PHACTR2: variants seen among roughly 807,000 people sequenced by gnomAD.
PHACTR2 encodes the protein chromosome 6 open reading frame 56.
PHACTR2 carries 30 observed loss-of-function variants against 76.0 expected under a neutral mutation model. The ratio of observed to expected loss-of-function variants is 0.39; its 90% CI spans 0.30 to 0.54. The LOEUF (loss-of-function observed/expected upper bound fraction) is 0.54. PHACTR2 is among the 20% of genes least tolerant of loss of function. The pLI is 0.61. For synonymous variants in PHACTR2, 292 were observed against 292.5 expected (o/e 1.00, Z 0.02); for missense variants, 696 against 781.1 (o/e 0.89, Z 1.30).
At position 143,653,109 on chromosome 6, in the gene PHACTR2, G is replaced by A. The variant is rs1377335719; in HGVS notation, c.13+44787G>A. Among the ~76,000 whole-genome samples, 1 of 152,214 alleles carries A rather than the reference G, an allele frequency of 6.6e-6. No homozygotes were observed. The highest frequency in any genetic ancestry group is 1.5e-5 in the Non-Finnish European group (1 of 68,046). On this transcript the variant is annotated intron_variant, in intron 1 of 11. Transcript: ENST00000305766. This position sits in a 1 kb window ranked among gnomAD's most constrained non-coding sequence, Gnocchi z 4.9. Reference sequence around the variant, plus strand: ...CACTGCCAGAGCATTTGTTCTGGATGCCTCTGTCCCCAGGTGTCTCAGAAG... The same window carrying A: ...CACTGCCAGAGCATTTGTTCTGGATACCTCTGTCCCCAGGTGTCTCAGAAG...
intron 9 of PHACTR2, among the ~76,000 whole-genome samples, chr6:143,779,328 G>A (rs1192076012): frequency 6.7e-6 from 1 of 150,070 alleles, no homozygotes; most frequent in Non-Finnish European, 1.5e-5. Flanking sequence ...TTTTAAGGAC[G>A]TTTACTTTAA....
intron 1 of PHACTR2, among the ~76,000 whole-genome samples, chr6:143,642,019 C>T (rs1187459874): frequency 6.6e-6 from 1 of 152,184 alleles, no homozygotes; most frequent in African/African-American, 2.4e-5. Flanking sequence ...TTATATATAG[C>T]TCCTCTGCAG....
chr6:143,669,323 T>A (rs1777103378), intron 1 of PHACTR2, among the ~76,000 whole-genome samples: 1 of 152,188 alleles, frequency 6.6e-6, no homozygotes, highest in Admixed American at 6.5e-5. Flanking sequence ...AGGTGCAATG[T>A]GGTGCTGAGA....
intron 1 of PHACTR2, among the ~76,000 whole-genome samples, chr6:143,551,946 G>T (rs911014893): frequency 1.3e-5 from 2 of 152,142 alleles, no homozygotes; most frequent in African/African-American, 4.8e-5. Flanking sequence ...TTGTTCACAT[G>T]AAAAATTAAA....
At chr6:143,593,200 A>G (rs1221058761) in intron 1 of PHACTR2, among the ~76,000 whole-genome samples, 1 of 152,124 alleles carries the variant, frequency 6.6e-6, no homozygotes, top group Non-Finnish European at 1.5e-5. Context: ...TGGGAATTCA[A>G]AGCAAATTAT....
rs1287858453 is a variant in PHACTR2, at chr6:143,543,945, C to T, written c.217+6738C>T. Among the ~76,000 whole-genome samples the T allele has an allele frequency of 3.3e-5, 5 of 152,120 alleles. No homozygotes were observed. The highest frequency in any genetic ancestry group is 1.9e-4 in the East Asian group (1 of 5,186). On this transcript the variant is annotated intron_variant, in intron 1 of 11. Coordinates refer to the PHACTR2 transcript ENST00000367584. The surrounding 1 kb of genome is among the most constrained non-coding windows in gnomAD (Gnocchi z 4.7). ...GGGCTCAGAAAACAATACCGCAAAG[C>T]GTGGTGCTTTGATGTGCTGAGTATT...
Position 143,763,856 on chromosome 6 carries a change from A to G in PHACTR2, c.695-1405A>G, listed in dbSNP as rs145332773. On this transcript the variant is annotated intron_variant, in intron 5 of 12. Coordinates refer to ENST00000440869, the MANE Select transcript of PHACTR2 (RefSeq NM_001100164.2). The stretch of plus-strand genomic sequence containing the variant: ...CAGTGTGGATTGGCTTCACAATGCT[A>G]ACAAGATGTTTTCTAATCGTTCTGT... Among the ~76,000 whole-genome samples the G allele has an allele frequency of 2.8e-3, 429 of 152,346 alleles. 1 individual carries two copies. The highest frequency in any genetic ancestry group is 0.01 in the African/African-American group (417 of 41,586).
At chr6:143,687,139 C>T (rs938752232) in intron 1 of PHACTR2, among the ~76,000 whole-genome samples, 3 of 152,194 alleles carry the variant, frequency 2.0e-5, no homozygotes, top group African/African-American at 7.2e-5. Context: ...ACATCACCTA[C>T]TTCTCTTTGG....
rs1335742977 is a variant in PHACTR2 at position 143,547,886 on chromosome 6, A to G, written c.217+10679A>G. ...TATCTATGTATGTATGTATGTACGTATGTATCTATCTATCTATCTATCATC... is the reference window on the plus strand; with the variant it reads ...TATCTATGTATGTATGTATGTACGTGTGTATCTATCTATCTATCTATCATC... On this transcript the variant is annotated intron_variant, in intron 1 of 11. Coordinates refer to the PHACTR2 transcript ENST00000367584. This position sits in a 1 kb window ranked among gnomAD's most constrained non-coding sequence, Gnocchi z 4.2. 6.6e-6 allele frequency among the ~76,000 whole-genome samples: 1 copy of G among 151,838 alleles called. No individual in the cohort carries two copies. The highest frequency in any genetic ancestry group is 1.5e-5 in the Non-Finnish European group (1 of 68,022).
In PHACTR2 at chr6:143,760,640, G is replaced by A; in HGVS notation, c.694G>A (p.Ala232Thr). 1 of 1,613,836 alleles carries A rather than the reference G, an allele frequency of 6.2e-7. No individual in the cohort carries two copies. Among genetic ancestry groups the A allele is most frequent in the Non-Finnish European group, 8.5e-7 (1 of 1,179,840 alleles). Residue 232 changes from alanine (A) to threonine (T), a missense_variant and splice_region_variant, in exon 5 of 13, where the codon GCT (alanine) becomes ACT (threonine). Coordinates refer to ENST00000440869, the MANE Select transcript of PHACTR2 (RefSeq NM_001100164.2). The surrounding 1 kb of genome is among the most constrained non-coding windows in gnomAD (Gnocchi z 6.4). ...PASRNTTREA[A>T]GSSHSKKTTG... ...AAGCCGAAACACGACCCGAGAGGCTGGTGAGTATGCCCCCAGTGCCCTGTG... is the reference window on the plus strand; with the variant it reads ...AAGCCGAAACACGACCCGAGAGGCTAGTGAGTATGCCCCCAGTGCCCTGTG...
In PHACTR2 at chr6:143,576,603, G is replaced by A. The variant is rs545591251; in HGVS notation, c.217+39396G>A. ...AAAATTGTTTGAAGAGGGGCTGGGA[G>A]CGGTGGCTCAGGCCTGTAATCCTGG... On this transcript the variant is annotated intron_variant, in intron 1 of 11. Transcript: ENST00000367584. 2.0e-5 allele frequency among the ~76,000 whole-genome samples: 3 copies of A among 152,262 alleles called. No homozygotes were observed. The South Asian group carries it at 6.2e-4, about 32-fold the overall frequency.
intron 12 of PHACTR2, among the ~76,000 whole-genome samples, chr6:143,815,415 T>G (rs868067163): frequency 2.0e-5 from 3 of 152,048 alleles, no homozygotes; most frequent in Admixed American, 1.3e-4. Context: ...ACCCTGTCTC[T>G]TTAAAATAAA....
chr6:143,599,487 C>A lies in PHACTR2; in HGVS notation c.217+62280C>A, dbSNP rs764510550. 6.6e-6 allele frequency among the ~76,000 whole-genome samples: 1 copy of A among 152,118 alleles called. No individual in the cohort carries two copies. The highest frequency in any genetic ancestry group is 1.5e-5 in the Non-Finnish European group (1 of 68,016). On this transcript the variant is annotated intron_variant, in intron 1 of 11. Coordinates refer to the PHACTR2 transcript ENST00000367584. The surrounding 1 kb of genome is among the most constrained non-coding windows in gnomAD (Gnocchi z 4.6). ...AGTGTTCTGGGAGCTACGAGGAAGA[C>A]CTTGACAAGATTTCTACGTCTTTCA...
Position 143,806,760 on chromosome 6 carries a change from C to A in PHACTR2, c.1846-297C>A, listed in dbSNP as rs970019224. Among the ~76,000 whole-genome samples, 2 of 152,092 alleles carry A rather than the reference C, an allele frequency of 1.3e-5. No homozygotes were observed. The highest frequency in any genetic ancestry group is 4.8e-5 in the African/African-American group (2 of 41,394). On this transcript the variant is annotated intron_variant, in intron 11 of 12. Coordinates refer to ENST00000440869, the MANE Select transcript of PHACTR2 (RefSeq NM_001100164.2). This position sits in a 1 kb window ranked among gnomAD's most constrained non-coding sequence, Gnocchi z 5.8. ...CTTGAGCCTAGAAGTTCGAGATCAG[C>A]CTGGGCAACATCTTGAGACTGTGTC...
intron 1 of PHACTR2, among the ~76,000 whole-genome samples, chr6:143,655,689 A>AT (rs1371377506): frequency 6.6e-6 from 1 of 152,228 alleles, no homozygotes; most frequent in Non-Finnish European, 1.5e-5. Context: ...AGAGAAAAAG[A>AT]TTACTGCAAT....
In PHACTR2 at chr6:143,670,447, G is replaced by C. The variant is rs184522526; in HGVS notation, c.14-41569G>C. Among the ~76,000 whole-genome samples, 3 of 152,176 alleles carry C rather than the reference G, an allele frequency of 2.0e-5. No homozygotes were observed. The East Asian group carries it at 5.8e-4, about 29-fold the overall frequency. On this transcript the variant is annotated intron_variant, in intron 1 of 11. Transcript: ENST00000305766. ...TATCCTGAAGAGTGTTTTCCAACTTGGTTTCACTCTCCCCGTCACTTTCAG... is the reference window on the plus strand; with the variant it reads ...TATCCTGAAGAGTGTTTTCCAACTTCGTTTCACTCTCCCCGTCACTTTCAG...
At chr6:143,566,302 AT>A (rs200601877) in intron 1 of PHACTR2, among the ~76,000 whole-genome samples, 3 of 149,228 alleles carry the variant, frequency 2.0e-5, no homozygotes, top group Non-Finnish European at 3.0e-5. Flanking sequence ...CTTATTTTGT[AT>A]TTTTTTTTAG....
chr6:143,687,099 T>C (rs559561595), intron 1 of PHACTR2, among the ~76,000 whole-genome samples: 1 of 152,336 alleles, frequency 6.6e-6, no homozygotes, highest in East Asian at 1.9e-4. Context: ...TGTCTCTTAC[T>C]TTGAGAGAAA....
At chr6:143,713,563 G>C (rs762709862) in intron 2 of PHACTR2, among the ~76,000 whole-genome samples, 3 of 152,214 alleles carry the variant, frequency 2.0e-5, no homozygotes, top group African/African-American at 7.2e-5. Context: ...GCAGTGAGAG[G>C]TGAGGGACAG....
Sources: allele counts gnomAD v4.1 joint callset (sites outside exome capture counted in the v4.1 genomes callset), GRCh38; gene constraint gnomAD v4.1.1; non-coding constraint Gnocchi (gnomAD v3.1); transcripts MANE v1.5; gene names NCBI Gene and HGNC (gene_info 2026-07-23, HGNC 2026-07-21).